The following SPATA17 variants were observed in gnomAD, a reference collection of about 807,000 sequenced individuals.
SPATA17 encodes the protein spermatogenesis-associated protein 17.
A neutral mutation model predicts 62.2 loss-of-function variants in SPATA17; 53 were observed. That is an observed-to-expected ratio of 0.85 (90% CI 0.68 to 1.07). The LOEUF is 1.07. Among genes scored for constraint, SPATA17 ranks in the 50% least tolerant of loss-of-function variants. The probability of loss-of-function intolerance (pLI) is 0.00; values close to 1 mark genes in which losing one functional copy is unlikely to be tolerated. For synonymous variants in SPATA17, 146 were observed against 146.8 expected (o/e 0.99, Z 0.04); for missense variants, 466 against 425.5 (o/e 1.10, Z -0.84).
chr1:217,635,931 G>A (rs780616531), intron 1 of SPATA17, among the ~76,000 whole-genome samples: 11 of 151,390 alleles, frequency 7.3e-5, no homozygotes, highest in East Asian at 2.0e-4. Flanking sequence ...TCAGGAATTC[G>A]AGACCAGCCT....
In SPATA17 at chr1:217,774,387, G is replaced by A. The variant is rs1212169856; in HGVS notation, c.573G>A (p.Leu191=). Residue 191 remains leucine (L), a synonymous_variant, in exon 7 of 11, where the codon CTG becomes CTA. Coordinates refer to ENST00000366933, the MANE Select transcript of SPATA17 (RefSeq NM_138796.4). ...PFRKEPDPWE[L]QLQKAKPLTH... ...GAAAAGAGCCTGATCCATGGGAGCT[G>A]CAATTACAGAAGGCAAAGCCTTTAA... 2 of 1,613,928 alleles carry A rather than the reference G, an allele frequency of 1.2e-6. No homozygotes were observed. Among genetic ancestry groups the A allele is most frequent in the South Asian group, 1.1e-5 (1 of 91,084 alleles).
At chr1:217,662,764 T>A (rs1248001900) in intron 3 of SPATA17, among the ~76,000 whole-genome samples, 1 of 152,180 alleles carries the variant, frequency 6.6e-6, no homozygotes, top group African/African-American at 2.4e-5. Flanking sequence ...ACATTGTTGC[T>A]TTCACAGATG....
chr1:217,659,621 C>T (rs1479105028), intron 3 of SPATA17, among the ~76,000 whole-genome samples: 1 of 152,050 alleles, frequency 6.6e-6, no homozygotes, highest in Non-Finnish European at 1.5e-5. Context: ...GTTCTCAGCT[C>T]CTGATCCATA....
chr1:217,800,672 T>C (rs920717550), intron 8 of SPATA17, among the ~76,000 whole-genome samples: 3 of 152,172 alleles, frequency 2.0e-5, no homozygotes, highest in Non-Finnish European at 2.9e-5. Flanking sequence ...GCAGGACAAA[T>C]TGCCCTGTTT....
At chr1:217,635,714 G>C (rs1298551365) in intron 1 of SPATA17, among the ~76,000 whole-genome samples, 6 of 151,730 alleles carry the variant, frequency 4.0e-5, no homozygotes, top group African/African-American at 9.7e-5. Context: ...TGATTGGCAA[G>C]TGGTTGAGTG....
chr1:217,724,812 A>C (rs1558580763), intron 5 of SPATA17, among the ~76,000 whole-genome samples: 1 of 151,944 alleles, frequency 6.6e-6, no homozygotes, highest in Non-Finnish European at 1.5e-5. Flanking sequence ...TTTCCTGTTT[A>C]TATTTGTTCT....
chr1:217,705,262 C>G (rs7553268), intron 5 of SPATA17, among the ~76,000 whole-genome samples: 36,406 of 151,176 alleles, frequency 0.24, 4,707 homozygotes, highest in African/African-American at 0.32. Context: ...TTTGTTTTTT[C>G]CTTGTTGATT....
At chr1:217,846,953 A>G (rs1382152372) in intron 9 of SPATA17, among the ~76,000 whole-genome samples, 1 of 152,034 alleles carries the variant, frequency 6.6e-6, no homozygotes, top group African/African-American at 2.4e-5. Context: ...GTCAGCAAAA[A>G]TATACTTGCT....
intron 6 of SPATA17, among the ~76,000 whole-genome samples, chr1:217,749,985 C>CTCTATATA: frequency 1.1e-3 from 13 of 12,314 alleles, no homozygotes; most frequent in African/African-American, 2.4e-3. Context: ...CTCTCTCTCT[C>CTCTATATA]TATATATATA....
At chr1:217,656,393 G>A (rs1038277083) in intron 3 of SPATA17, among the ~76,000 whole-genome samples, 3 of 152,118 alleles carry the variant, frequency 2.0e-5, no homozygotes, top group African/African-American at 7.2e-5. Context: ...GCATCACCCA[G>A]TATAATCACC....
chr1:217,727,887 C>A (rs899034882), intron 5 of SPATA17, among the ~76,000 whole-genome samples: 2 of 152,136 alleles, frequency 1.3e-5, no homozygotes, highest in African/African-American at 4.8e-5. Context: ...TTTCCATCTG[C>A]AAAAATATGT....
chr1:217,833,450 C>T (rs530130571), intron 9 of SPATA17, among the ~76,000 whole-genome samples: 5 of 152,230 alleles, frequency 3.3e-5, no homozygotes, highest in South Asian at 2.1e-4. Flanking sequence ...TCAGATATTA[C>T]GAGTGCATGC....
In SPATA17 at chr1:217,741,973, A is replaced by G. The variant is rs913553304; in HGVS notation, c.396-2A>G. On this transcript the variant is annotated splice_acceptor_variant, in intron 5 of 10. Transcript: ENST00000366933. LOFTEE classifies it high-confidence loss of function. ...AAATAACTGCAGATGGTTTTGATGC[A>G]GGAAGGCACTGGAGGAGTTTGCAGA... The G allele has an allele frequency of 6.2e-7, 1 of 1,613,936 alleles. No homozygotes were observed. The highest frequency in any genetic ancestry group is 1.3e-5 in the African/African-American group (1 of 75,040).
intron 9 of SPATA17, among the ~76,000 whole-genome samples, chr1:217,817,456 C>T (rs1031252530): frequency 2.6e-5 from 4 of 152,078 alleles, no homozygotes; most frequent in Non-Finnish European, 5.9e-5. Flanking sequence ...CCCCTTCTGC[C>T]ATGATTGTAA....
At chr1:217,832,854 G>C (rs1235573508) in intron 9 of SPATA17, among the ~76,000 whole-genome samples, 5 of 151,842 alleles carry the variant, frequency 3.3e-5, no homozygotes, top group Non-Finnish European at 7.4e-5. Context: ...GACATGGGAG[G>C]ATCACCTGAT....
At chr1:217,847,231 T>A (rs1675550289) in intron 9 of SPATA17, among the ~76,000 whole-genome samples, 1 of 152,064 alleles carries the variant, frequency 6.6e-6, no homozygotes, top group South Asian at 2.1e-4. Flanking sequence ...TTAAATCATA[T>A]TCTTGCAGTT....
At chr1:217,862,314 T>C (rs1289604599) in intron 9 of SPATA17, among the ~76,000 whole-genome samples, 2 of 152,176 alleles carry the variant, frequency 1.3e-5, no homozygotes, top group Admixed American at 6.5e-5. Flanking sequence ...CCTTCTGGAG[T>C]CCTTTACCAT....
intron 1 of SPATA17, among the ~76,000 whole-genome samples, chr1:217,634,754 T>G (rs1669899935): frequency 6.6e-6 from 1 of 152,246 alleles, no homozygotes; most frequent in African/African-American, 2.4e-5. Context: ...CCTGGCAAAG[T>G]TAGTTCAGCC....
intron 9 of SPATA17, among the ~76,000 whole-genome samples, chr1:217,822,831 A>G (rs1571828257): frequency 6.6e-6 from 1 of 151,078 alleles, no homozygotes; most frequent in African/African-American, 2.4e-5. Context: ...TTCTTTTTCA[A>G]GTCAGCCTGC....
Sources: gnomAD v4.1 joint callset for allele counts (sites outside exome capture counted in the v4.1 genomes callset) on GRCh38, gnomAD v4.1.1 for gene constraint, MANE v1.5 for transcripts, NCBI Gene and HGNC (gene_info 2026-07-23, HGNC 2026-07-21) for gene names.